Variants in TEX36 observed in about 807,000 individuals in gnomAD.
The protein encoded by TEX36 is testis expressed 36.
A neutral mutation model predicts 13.6 loss-of-function variants in TEX36; 12 were observed. That is an observed-to-expected ratio of 0.88 (90% confidence interval 0.56 to 1.43). The LOEUF (loss-of-function observed/expected upper bound fraction) is 1.43. Among genes scored for constraint, TEX36 ranks in the 40% most tolerant of loss-of-function variants. TEX36 has a pLI of 0.00. For missense variants in TEX36, 224 were observed against 228.3 expected (o/e 0.98, Z 0.12); for synonymous variants, 93 against 83.0 (o/e 1.12, Z -0.65).
At chr10:125,650,015 G>C (rs1444294855) in intron 3 of TEX36, among the ~76,000 whole-genome samples, 2 of 152,222 alleles carry the variant, frequency 1.3e-5, no homozygotes, top group South Asian at 2.1e-4. Flanking sequence ...TAGAGACCTA[G>C]AAAGAGACTT....
intron 3 of TEX36, among the ~76,000 whole-genome samples, chr10:125,659,096 A>G (rs906816994): frequency 3.3e-5 from 5 of 152,190 alleles, no homozygotes; most frequent in African/African-American, 1.2e-4. Flanking sequence ...TTAATAATCA[A>G]GAAAGAAAGA....
intron 1 of TEX36, among the ~76,000 whole-genome samples, chr10:125,681,979 G>A (rs1006639607): frequency 1.3e-5 from 2 of 152,160 alleles, no homozygotes; most frequent in Non-Finnish European, 2.9e-5. Context: ...TTGCTGAAGT[G>A]TTTTCTGTTT....
At chr10:125,597,580 G>A (rs1281810224) in intron 3 of TEX36, among the ~76,000 whole-genome samples, 2 of 152,234 alleles carry the variant, frequency 1.3e-5, no homozygotes, top group African/African-American at 4.8e-5. Context: ...ATATCTTGAA[G>A]TGGGCACTTA....
exon 4 of TEX36, chr10:125,576,733 C>G: frequency 6.5e-7 from 1 of 1,534,618 alleles, no homozygotes; most frequent in Non-Finnish European, 8.7e-7. Flanking sequence ...GTGACAGAAA[C>G]TTGCTCCCAA....
intron 1 of TEX36, among the ~76,000 whole-genome samples, chr10:125,674,346 C>T (rs1233292639): frequency 6.6e-6 from 1 of 152,132 alleles, no homozygotes; most frequent in Admixed American, 6.6e-5. Flanking sequence ...TTCTTAGCTT[C>T]TTTGCATTGA....
chr10:125,625,862 G>A (rs1170152773), intron 3 of TEX36, among the ~76,000 whole-genome samples: 3 of 152,218 alleles, frequency 2.0e-5, no homozygotes, highest in African/African-American at 7.2e-5. Flanking sequence ...GCTGCTACAG[G>A]TGAAGGATTT....
intron 1 of TEX36, among the ~76,000 whole-genome samples, chr10:125,674,953 G>A (rs1003566874): frequency 6.6e-6 from 1 of 152,264 alleles, no homozygotes; most frequent in East Asian, 1.9e-4. Context: ...CAAAGTGGGT[G>A]CATTGAGCTG....
intron 3 of TEX36, among the ~76,000 whole-genome samples, chr10:125,636,535 T>A (rs9422903): frequency 0.27 from 41,676 of 152,074 alleles, 8,960 homozygotes; most frequent in African/African-American, 0.57. Flanking sequence ...TTTTATATGG[T>A]TGACTCATTA....
At chr10:125,601,889 C>T (rs945318977) in intron 3 of TEX36, among the ~76,000 whole-genome samples, 2 of 152,208 alleles carry the variant, frequency 1.3e-5, no homozygotes, top group African/African-American at 4.8e-5. Context: ...CACTGGGGTC[C>T]TCGCCCTGGA....
At chr10:125,623,270 C>A (rs901201678) in intron 3 of TEX36, among the ~76,000 whole-genome samples, 12 of 152,184 alleles carry the variant, frequency 7.9e-5, no homozygotes, top group African/African-American at 2.9e-4. Flanking sequence ...CATGAGCTCA[C>A]TGCTGCTCTG....
chr10:125,590,489 G>C (rs185783395), intron 3 of TEX36, among the ~76,000 whole-genome samples: 2 of 152,052 alleles, frequency 1.3e-5, no homozygotes, highest in Admixed American at 6.5e-5. Context: ...GCAATACTTT[G>C]TAAAGATTAA....
intron 3 of TEX36, chr10:125,578,095 T>G (rs1173727934): frequency 1.3e-5 from 2 of 152,128 alleles, no homozygotes; most frequent in East Asian, 3.9e-4. Context: ...TAGTGGAGGG[T>G]GGTGCTCTCC....
At chr10:125,667,785 A>G (rs3740187) in intron 1 of TEX36, 93,560 of 981,892 alleles carry the variant, frequency 0.095, 8,296 homozygotes, top group East Asian at 0.35. Context: ...TAGAAGCGCC[A>G]GTTCTCTTTG....
chr10:125,582,422 A>G (rs78478007), intron 3 of TEX36, among the ~76,000 whole-genome samples: 1,594 of 152,314 alleles, frequency 0.01, 34 homozygotes, highest in African/African-American at 0.036. Context: ...ATCCCTAAAA[A>G]CAGATAACTT....
intron 3 of TEX36, among the ~76,000 whole-genome samples, chr10:125,640,961 C>T (rs1295639964): frequency 1.3e-5 from 2 of 151,562 alleles, no homozygotes; most frequent in African/African-American, 2.4e-5. Context: ...CTCCCCCACA[C>T]CCATCTCTCC....
chr10:125,591,786 G>T (rs1413256777), intron 3 of TEX36, among the ~76,000 whole-genome samples: 3 of 152,096 alleles, frequency 2.0e-5, no homozygotes, highest in Non-Finnish European at 4.4e-5. Context: ...CGTTCATGAC[G>T]AACTTGTTTA....
intron 3 of TEX36, among the ~76,000 whole-genome samples, chr10:125,644,802 TGAA>T (rs1846742819): frequency 6.6e-6 from 1 of 152,228 alleles, no homozygotes; most frequent in South Asian, 2.1e-4. Context: ...CCTTAAAATA[TGAA>T]GGTTATCCTG....
chr10:125,602,943 C>CT (rs1427099944), intron 3 of TEX36, among the ~76,000 whole-genome samples: 2 of 152,178 alleles, frequency 1.3e-5, no homozygotes, highest in Admixed American at 1.3e-4. Flanking sequence ...CCATGGGGAC[C>CT]TGTGTGGCTT....
At chr10:125,585,757 A>T (rs1245424378) in intron 3 of TEX36, among the ~76,000 whole-genome samples, 1 of 152,216 alleles carries the variant, frequency 6.6e-6, no homozygotes, top group Non-Finnish European at 1.5e-5. Context: ...CACTTCTTTC[A>T]TCAGACTTCG....
Sources: gnomAD v4.1 joint callset for allele counts (sites outside exome capture counted in the v4.1 genomes callset) on GRCh38, gnomAD v4.1.1 for gene constraint, MANE v1.5 for transcripts, NCBI Gene and HGNC (gene_info 2026-07-23, HGNC 2026-07-21) for gene names.